Variants in DTYMK observed in about 807,000 individuals in gnomAD.
The protein encoded by DTYMK is deoxythymidylate kinase.
Under a neutral mutation model 20.3 loss-of-function variants are expected in DTYMK, and 20 were observed. The observed-to-expected ratio is 0.99, with a 90% CI of 0.69 to 1.43. The LOEUF is 1.43. Among genes scored for constraint, DTYMK ranks in the 40% most tolerant of loss-of-function variants. The probability of loss-of-function intolerance (pLI) is 0.00; values close to 1 mark genes in which losing one functional copy is unlikely to be tolerated. For missense variants in DTYMK, 320 were observed against 291.1 expected, an observed-to-expected ratio of 1.10 and a Z score of -0.72; for synonymous variants, 148 against 124.4, an observed-to-expected ratio of 1.19 and a Z score of -1.27.
intron 2 of DTYMK, chr2:241,682,798 C>T: frequency 5.6e-6 from 1 of 179,086 alleles, no homozygotes. Context: ...GTGGTGGGCA[C>T]CTGTGATCAC....
At chr2:241,678,342 G>T in intron 4 of DTYMK, 110 bp downstream of exon 4, 2 of 1,467,112 alleles carry the variant, frequency 1.4e-6, no homozygotes, top group African/African-American at 1.4e-5. Flanking sequence ...ACATCTGGGA[G>T]GACCAGACGG....
chr2:241,685,770 C>G lies in DTYMK; in HGVS notation c.238G>C (p.Val80Leu). The change falls in exon 2 of 5, where the codon GTG (valine) becomes CTG (leucine). Residue 80 changes from valine to leucine, a missense_variant and splice_region_variant. Transcript: ENST00000305784. ...GGAGCAGTGTGCAATGGTTTTTACA[C>G]TTGTTCCCAGCGATTTGCAGAAAAA... Reference protein sequence around the residue: ...LLFSANRWEQVPLIKEKLSQG... With the variant: ...LLFSANRWEQLPLIKEKLSQG... 6.2e-7 allele frequency: 1 copy of G among 1,613,982 alleles called. No homozygotes were observed.
intron 2 of DTYMK, chr2:241,682,331 T>TG (rs1559286772): frequency 2.5e-6 from 1 of 401,852 alleles, no homozygotes; most frequent in Non-Finnish European, 5.0e-6. Context: ...ACAGAGACCC[T>TG]GTCTAAAAAA....
intron 2 of DTYMK, among the ~76,000 whole-genome samples, chr2:241,683,101 C>T (rs1262332139): frequency 6.6e-6 from 1 of 152,044 alleles, no homozygotes; most frequent in African/African-American, 2.4e-5. Context: ...AAAGAGTGGG[C>T]CAAAGCACTC....
rs141875755 is a variant in DTYMK, at chr2:241,681,139, G to A, written c.240-820C>T. 7.2e-5 allele frequency among the ~76,000 whole-genome samples: 11 copies of A among 152,186 alleles called. No homozygotes were observed. The East Asian group carries it at 2.1e-3, about 29-fold the overall frequency. On this transcript the variant is annotated intron_variant, in intron 2 of 4. Transcript: ENST00000305784. ...CAAGATCACAGATGTACAAAGACAC[G>A]GGGCCTGACACTAGTGAGAAGCACT...
chr2:241,678,493 A>C lies in DTYMK; in HGVS notation c.487T>G (p.Cys163Gly). The part of the protein sequence containing the change: ...NGAFQERALR[C>G]FHQLMKDTTL... The stretch of plus-strand genomic sequence containing the variant: ...GTGTCTTTCATGAGCTGGTGGAAAC[A>C]CCGGAGCGCCCGCTCCTGGAAAGCC... Residue 163 changes from cysteine to glycine, a missense_variant, in exon 4 of 5, where the codon TGT (cysteine) becomes GGT (glycine). Cys to Gly is a radical substitution (Grantham distance 159). Coordinates refer to ENST00000305784, the MANE Select transcript of DTYMK (RefSeq NM_012145.4). 1 of 1,614,100 alleles carries C rather than the reference A, an allele frequency of 6.2e-7. No individual in the cohort carries two copies. The highest frequency in any genetic ancestry group is 1.3e-5 in the African/African-American group (1 of 75,026).
rs1028417590 is a variant in DTYMK at position 241,685,810 on chromosome 2, G to C, written c.198C>G (p.His66Gln). Residue 66 changes from histidine (H) to glutamine (Q), a missense_variant, in exon 2 of 5, where the codon CAC (histidine) becomes CAG (glutamine). His to Gln is a conservative substitution (Grantham distance 24, BLOSUM62 0). Transcript: ENST00000305784. ...YLQKKSDVED[H>Q]SVHLLFSANR... ...TTGCAGAAAAAAGCAGGTGCACCGAGTGATCCTCCACGTCACTTTTCTTTT... is the reference window on the plus strand; with the variant it reads ...TTGCAGAAAAAAGCAGGTGCACCGACTGATCCTCCACGTCACTTTTCTTTT... 6.2e-7 allele frequency: 1 copy of C among 1,614,192 alleles called. No individual in the cohort carries two copies. Among genetic ancestry groups the C allele is most frequent in the African/African-American group, 1.3e-5 (1 of 75,064 alleles).
At position 241,676,156 on chromosome 2, in the gene DTYMK, C is replaced by G. The variant is rs528558803; in HGVS notation, c.610G>C (p.Glu204Gln). 1.7e-5 allele frequency: 27 copies of G among 1,612,974 alleles called. No homozygotes were observed. The highest frequency in any genetic ancestry group is 1.7e-4 in the Middle Eastern group (1 of 5,946). The change falls in exon 5 of 5, where the codon GAG (glutamate) becomes CAG (glutamine). Residue 204 changes from glutamate to glutamine, a missense_variant. Physicochemically the swap from Glu to Gln is conservative, Grantham distance 29. Coordinates refer to ENST00000305784, the MANE Select transcript of DTYMK (RefSeq NM_012145.4). ...TTCCATAGCTCCCCCAGCGGCTTCT[C>G]TGTGGCAGTGCGGATGGCGTCCTCA... ...LSEDAIRTAT[E>Q]KPLGELWK
In DTYMK at chr2:241,676,193, G is replaced by T. The variant is rs758962690; in HGVS notation, c.573C>A (p.Ile191=). The change falls in exon 5 of 5, where the codon ATC becomes ATA. Residue 191 remains isoleucine, a synonymous_variant. Coordinates refer to ENST00000305784, the MANE Select transcript of DTYMK (RefSeq NM_012145.4). ...GGATGGCGTCCTCAGAGAGCACGCG[G>T]ATGTCCTCATGGACAGCTTCGATGC... ...SKSIEAVHED[I]RVLSEDAIRT... is the part of the protein sequence containing the mutation. 3.1e-6 allele frequency: 5 copies of T among 1,613,266 alleles called. No individual in the cohort carries two copies.
At chr2:241,686,460 G>C (rs1416983400) in intron 1 of DTYMK, among the ~76,000 whole-genome samples, 194 bp downstream of exon 1, 1 of 152,130 alleles carries the variant, frequency 6.6e-6, no homozygotes, top group Non-Finnish European at 1.5e-5. Flanking sequence ...CTTGAGCCCG[G>C]GAGGTCCAGG....
At position 241,680,843 on chromosome 2, in the gene DTYMK, A is replaced by G. The variant is rs566444218; in HGVS notation, c.240-524T>C. Among the ~76,000 whole-genome samples the G allele has an allele frequency of 3.3e-5, 5 of 152,348 alleles. No homozygotes were observed. In the East Asian group the frequency reaches 9.6e-4, roughly 29 times the overall value. The stretch of plus-strand genomic sequence containing the variant: ...AACCCAACATGGAGAAGATAACCTT[A>G]CTAAATAGTAACAAACACAACTGGT... On this transcript the variant is annotated intron_variant, in intron 2 of 4. Coordinates refer to ENST00000305784, the MANE Select transcript of DTYMK (RefSeq NM_012145.4).
chr2:241,682,426 G>T, intron 2 of DTYMK: 1 of 318,176 alleles, frequency 3.1e-6, no homozygotes, highest in Non-Finnish European at 6.2e-6. Context: ...ATTTTATAAA[G>T]GACTGTTATC....
At chr2:241,676,585 C>T (rs1014504321) in intron 4 of DTYMK, among the ~76,000 whole-genome samples, 3 of 152,264 alleles carry the variant, frequency 2.0e-5, no homozygotes, top group African/African-American at 7.2e-5. Flanking sequence ...CCACACCTTT[C>T]TCTGAACCTC....
chr2:241,676,473 A>G (rs1377395878), intron 4 of DTYMK, among the ~76,000 whole-genome samples: 1 of 151,984 alleles, frequency 6.6e-6, no homozygotes, highest in Non-Finnish European at 1.5e-5. Context: ...AAACAACACC[A>G]TGTTTCGTTC....
intron 4 of DTYMK, among the ~76,000 whole-genome samples, chr2:241,677,489 C>G (rs2069143999): frequency 6.6e-6 from 1 of 152,268 alleles, no homozygotes; most frequent in South Asian, 2.1e-4. Flanking sequence ...CGGCCCTGCT[C>G]TGGAGGAGGA....
rs766140041 is a variant in DTYMK, at chr2:241,680,241, G to A, written c.318C>T (p.Thr106=). Residue 106 remains threonine (T), a synonymous_variant, in exon 3 of 5, where the codon ACC becomes ACT. Coordinates refer to ENST00000305784, the MANE Select transcript of DTYMK (RefSeq NM_012145.4). ...AAGTGGCACTCACCTCCTTGGCACC[G>A]GTGAAGGCCACACCAGAAAATGCGT... ...DRYAFSGVAF[T]GAKENFSLDW... is the part of the protein sequence containing the mutation. The A allele has an allele frequency of 2.6e-5, 42 of 1,613,990 alleles. No homozygotes were observed. Among genetic ancestry groups the A allele is most frequent in the South Asian group, 1.8e-4 (16 of 91,078 alleles).
chr2:241,677,736 C>T (rs1472829243), intron 4 of DTYMK, among the ~76,000 whole-genome samples: 1 of 152,204 alleles, frequency 6.6e-6, no homozygotes, highest in Non-Finnish European at 1.5e-5. Context: ...CCTGGGACTG[C>T]TGAGATTGAA....
chr2:241,676,300 G>T (rs2069115559), intron 4 of DTYMK, 63 bp from the exon 5 acceptor site: 1 of 1,487,154 alleles, frequency 6.7e-7, no homozygotes, highest in Non-Finnish European at 9.1e-7. Context: ...CTGGTCACGG[G>T]AGCCCACGCC....
Position 241,675,965 on chromosome 2 carries a change from C to T in DTYMK, c.*162G>A, listed in dbSNP as rs914791781. The T allele has an allele frequency of 1.5e-6, 1 of 670,644 alleles. No homozygotes were observed. The highest frequency in any genetic ancestry group is 2.4e-6 in the Non-Finnish European group (1 of 417,700). 41.5% of individuals were successfully genotyped at this position (670,644 alleles called of 1,614,324 possible). ...GTCCCCACCACGGGGGTCCCCAGTG[C>T]ACCCCAGCTCCGGGGCAGAAGAGGC... On this transcript the variant is annotated 3_prime_UTR_variant, in exon 5 of 5. Transcript: ENST00000305784.
Sources: gnomAD v4.1 joint callset for allele counts (sites outside exome capture counted in the v4.1 genomes callset) on GRCh38, gnomAD v4.1.1 for gene constraint, MANE v1.5 for transcripts, NCBI Gene and HGNC (gene_info 2026-07-23, HGNC 2026-07-21) for gene names.